Variants in AATF observed in about 807,000 individuals in gnomAD.
The protein encoded by AATF is protein AATF.
In AATF, 48 loss-of-function variants were observed where a neutral mutation model predicts 63.7. The ratio of observed to expected loss-of-function variants is 0.75; its 90% confidence interval spans 0.60 to 0.96. AATF has a LOEUF of 0.96. Among genes scored for constraint, AATF ranks in the 40% least tolerant of loss-of-function variants. The pLI is 0.00. For missense variants in AATF, 639 were observed against 685.7 expected (o/e 0.93, Z 0.76); for synonymous variants, 258 against 247.7 (o/e 1.04, Z -0.39).
At chr17:36,989,574 GGA>G (rs2071197668) in intron 7 of AATF, among the ~76,000 whole-genome samples, 163 bp downstream of exon 7, 1 of 152,182 alleles carries the variant, frequency 6.6e-6, no homozygotes, top group Admixed American at 6.5e-5. Flanking sequence ...GTATGTGAGA[GGA>G]GAGAGTTTTT....
intron 4 of AATF, among the ~76,000 whole-genome samples, chr17:36,963,816 G>A (rs1490688635): frequency 6.6e-6 from 1 of 152,164 alleles, no homozygotes; most frequent in Non-Finnish European, 1.5e-5. Flanking sequence ...AACATGGTGG[G>A]CATCCTTGAC....
At chr17:36,977,944 A>T (rs1427641371) in intron 4 of AATF, among the ~76,000 whole-genome samples, 5 of 152,108 alleles carry the variant, frequency 3.3e-5, no homozygotes, top group Non-Finnish European at 5.9e-5. Flanking sequence ...CTTTTTAAGG[A>T]TTTATTGACA....
chr17:36,951,370 T>TA (rs2070853643), intron 2 of AATF, among the ~76,000 whole-genome samples: 1 of 152,148 alleles, frequency 6.6e-6, no homozygotes, highest in Admixed American at 6.5e-5. Flanking sequence ...ATTGAGTTCT[T>TA]ACCATGCGTC....
intron 8 of AATF, among the ~76,000 whole-genome samples, chr17:37,007,003 A>G (rs1288380723): frequency 6.6e-6 from 1 of 152,216 alleles, no homozygotes; most frequent in Non-Finnish European, 1.5e-5. Context: ...TTATTTGAGT[A>G]ACCAAAGGTG....
chr17:37,039,020 C>G (rs2071615457), intron 11 of AATF, among the ~76,000 whole-genome samples: 1 of 152,156 alleles, frequency 6.6e-6, no homozygotes, highest in South Asian at 2.1e-4. Flanking sequence ...GGTCTGCACC[C>G]TAAATATGGG....
intron 8 of AATF, among the ~76,000 whole-genome samples, chr17:37,010,333 C>T (rs892733663): frequency 3.3e-5 from 5 of 152,130 alleles, no homozygotes; most frequent in African/African-American, 1.2e-4. Context: ...TGGTGGGTGC[C>T]TGTAGTCCCA....
intron 11 of AATF, among the ~76,000 whole-genome samples, chr17:37,039,992 C>T (rs2071624022): frequency 6.6e-6 from 1 of 152,170 alleles, no homozygotes; most frequent in African/African-American, 2.4e-5. Context: ...CTTATATTCT[C>T]ATCGCTTCTT....
chr17:36,951,930 G>A (rs978125958), intron 2 of AATF, among the ~76,000 whole-genome samples: 1 of 152,148 alleles, frequency 6.6e-6, no homozygotes, highest in Non-Finnish European at 1.5e-5. Flanking sequence ...AATCATACTT[G>A]AAACACATGG....
chr17:36,986,095 C>T (rs2071166653), intron 4 of AATF, among the ~76,000 whole-genome samples: 1 of 152,112 alleles, frequency 6.6e-6, no homozygotes, highest in South Asian at 2.1e-4. Flanking sequence ...TGTGGCAGCT[C>T]AAACCAGAGG....
At chr17:36,951,878 T>G (rs1196048610) in intron 2 of AATF, among the ~76,000 whole-genome samples, 1 of 152,230 alleles carries the variant, frequency 6.6e-6, no homozygotes, top group Non-Finnish European at 1.5e-5. Context: ...AAATCTTTAT[T>G]TTATTGAAGA....
intron 4 of AATF, among the ~76,000 whole-genome samples, chr17:36,976,184 A>G (rs1375695702): frequency 4.6e-5 from 7 of 152,198 alleles, no homozygotes; most frequent in Admixed American, 2.0e-4. Flanking sequence ...TCTGTTTCCC[A>G]GATAGTTTTG....
intron 11 of AATF, among the ~76,000 whole-genome samples, chr17:37,043,730 G>A (rs550871609): frequency 5.3e-5 from 8 of 152,160 alleles, no homozygotes; most frequent in South Asian, 4.2e-4. Context: ...TGAGCTCAGC[G>A]CTGACTCAGT....
At chr17:36,979,175 A>G (rs1274752221) in intron 4 of AATF, among the ~76,000 whole-genome samples, 1 of 152,034 alleles carries the variant, frequency 6.6e-6, no homozygotes. Context: ...TTCTTACCAG[A>G]TGATTGATGC....
rs531357517 is a variant in AATF, at chr17:36,974,314, A to G, written c.833-12303A>G. Among the ~76,000 whole-genome samples, 5 of 152,206 alleles carry G rather than the reference A, an allele frequency of 3.3e-5. No homozygotes were observed. The East Asian group carries it at 9.6e-4, about 29-fold the overall frequency. Reference sequence around the variant, plus strand: ...TGAATATTTTTCCTTGTCATTAAATATTGTTCTATAGCATTATTTTTAATG... The same window carrying G: ...TGAATATTTTTCCTTGTCATTAAATGTTGTTCTATAGCATTATTTTTAATG... On this transcript the variant is annotated intron_variant, in intron 4 of 11. Coordinates refer to ENST00000619387, the MANE Select transcript of AATF (RefSeq NM_012138.4).
chr17:37,039,688 C>T (rs1012939446), intron 11 of AATF, among the ~76,000 whole-genome samples: 5 of 152,270 alleles, frequency 3.3e-5, no homozygotes, highest in Admixed American at 6.5e-5. Flanking sequence ...GGCCTTCTTT[C>T]GCCAGTAATG....
At chr17:37,043,083 G>A (rs1025581694) in intron 11 of AATF, 13 of 151,420 alleles carry the variant, frequency 8.6e-5, no homozygotes, top group African/African-American at 2.7e-4. Context: ...TTACACTAAC[G>A]GCATATTAAC....
intron 10 of AATF, among the ~76,000 whole-genome samples, chr17:37,025,719 A>G (rs1267652346): frequency 6.6e-6 from 1 of 152,220 alleles, no homozygotes; most frequent in African/African-American, 2.4e-5. Context: ...GTAAACTTTT[A>G]CTATCTTGAT....
At chr17:36,953,937 T>C (rs377491853) in intron 4 of AATF, 30 bp downstream of exon 4, 1 of 1,602,572 alleles carries the variant, frequency 6.2e-7, no homozygotes, top group African/African-American at 1.3e-5. Context: ...GTTGGAATAC[T>C]TAGAACCACT....
At chr17:37,055,984 A>C (rs1003636325) in intron 11 of AATF, 1 of 152,180 alleles carries the variant, frequency 6.6e-6, no homozygotes, top group Non-Finnish European at 1.5e-5. Flanking sequence ...GTGGTCATTT[A>C]CTTTTCTTTT....
Sources: allele counts gnomAD v4.1 joint callset (sites outside exome capture counted in the v4.1 genomes callset), GRCh38; gene constraint gnomAD v4.1.1; transcripts MANE v1.5; gene names NCBI Gene and HGNC (gene_info 2026-07-23, HGNC 2026-07-21).